KANK1: variants seen among roughly 807,000 people sequenced by gnomAD.
KANK1 encodes the protein KN motif and ankyrin repeat domains 1.
Under a neutral mutation model 106.2 loss-of-function variants are expected in KANK1, and 109 were observed. That is an observed-to-expected ratio of 1.03 (90% CI 0.88 to 1.20). The LOEUF is 1.20. KANK1 is among the 50% of genes most tolerant of loss of function. KANK1 has a pLI of 0.00. For missense variants in KANK1, 2,399 were observed against 1,710.7 expected, an observed-to-expected ratio of 1.40 and a Z score of -7.10; for synonymous variants, 873 against 652.2, an observed-to-expected ratio of 1.34 and a Z score of -5.16.
chr9:647,557 A>G (rs1230296940), intron 1 of KANK1, among the ~76,000 whole-genome samples: 1 of 150,098 alleles, frequency 6.7e-6, no homozygotes, highest in Non-Finnish European at 1.5e-5. Flanking sequence ...TTTAATCCCC[A>G]CTCTTTTTTA....
chr9:706,076 T>C (rs1824074853), intron 2 of KANK1, among the ~76,000 whole-genome samples: 2 of 152,128 alleles, frequency 1.3e-5, no homozygotes, highest in Non-Finnish European at 2.9e-5. Context: ...AAAAAAATAA[T>C]GACACCGGGT....
At chr9:541,457 G>A (rs569552191) in intron 1 of KANK1, among the ~76,000 whole-genome samples, 1 of 152,130 alleles carries the variant, frequency 6.6e-6, no homozygotes, top group African/African-American at 2.4e-5. Flanking sequence ...TGGCTCAGGG[G>A]TAGAGGATTT....
intron 8 of KANK1, among the ~76,000 whole-genome samples, chr9:738,885 G>C (rs1834549568): frequency 6.6e-6 from 1 of 152,220 alleles, no homozygotes; most frequent in South Asian, 2.1e-4. Flanking sequence ...CAGGGTCACA[G>C]CCTTGGTGCG....
chr9:733,156 C>G (rs1476632994), intron 6 of KANK1: 1 of 152,218 alleles, frequency 6.6e-6, no homozygotes, highest in Non-Finnish European at 1.5e-5. Context: ...TAAATAGTAG[C>G]TGAAAAACAC....
intron 1 of KANK1, among the ~76,000 whole-genome samples, chr9:583,641 C>G (rs1822723331): frequency 6.6e-6 from 1 of 151,128 alleles, no homozygotes; most frequent in Admixed American, 6.6e-5. Context: ...AATAAATATA[C>G]TGTTTTCTCT....
chr9:504,947 C>A (rs2058674340), intron 1 of KANK1, among the ~76,000 whole-genome samples, 193 bp downstream of exon 1: 1 of 150,528 alleles, frequency 6.6e-6, no homozygotes, highest in South Asian at 2.1e-4. Context: ...ACCCGGCGGC[C>A]TCGGGGCGGT....
At chr9:664,011 C>T (rs2885161) in intron 1 of KANK1, among the ~76,000 whole-genome samples, 127,464 of 151,970 alleles carry the variant, frequency 0.84, 53,587 homozygotes, top group East Asian at 0.97. Flanking sequence ...ATTGTAGTTC[C>T]CATAATCTCG....
At chr9:582,066 C>T (rs755676216) in intron 1 of KANK1, among the ~76,000 whole-genome samples, 1 of 152,154 alleles carries the variant, frequency 6.6e-6, no homozygotes, top group African/African-American at 2.4e-5. Context: ...ACTCCCCCTG[C>T]CCCAGAGTTG....
upstream of KANK1, among the ~76,000 whole-genome samples, chr9:503,892 T>G (rs116645015): frequency 0.018 from 2,790 of 152,236 alleles, 115 homozygotes; most frequent in South Asian, 0.13. Flanking sequence ...GAGGCAGGCG[T>G]TGGGTCTTCT....
At chr9:517,335 C>T (rs1346209278) in intron 1 of KANK1, among the ~76,000 whole-genome samples, 1 of 151,746 alleles carries the variant, frequency 6.6e-6, no homozygotes, top group East Asian at 1.9e-4. Flanking sequence ...ATTTCCTGGC[C>T]TCATGATCTG....
At chr9:673,200 CTTTTTTTTTTTTTT>C (rs542647158) in intron 1 of KANK1, among the ~76,000 whole-genome samples, 2 of 97,850 alleles carry the variant, frequency 2.0e-5, no homozygotes, top group Admixed American at 1.1e-4. Flanking sequence ...ACAGTGTCTT[CTTTTTTTTTTTTTT>C]TTTTTTTTTT....
chr9:743,722 T>C (rs1836358432), intron 10 of KANK1, among the ~76,000 whole-genome samples: 2 of 151,668 alleles, frequency 1.3e-5, no homozygotes, highest in Non-Finnish European at 2.9e-5. Flanking sequence ...ATTATCTAGG[T>C]GTGGTGGTAT....
At chr9:553,108 T>G (rs573809690) in intron 1 of KANK1, among the ~76,000 whole-genome samples, 2 of 152,272 alleles carry the variant, frequency 1.3e-5, no homozygotes, top group South Asian at 4.1e-4. Flanking sequence ...ATTGTGTTAC[T>G]GCACTCCAGC....
At chr9:564,445 G>C (rs993556011) in intron 1 of KANK1, among the ~76,000 whole-genome samples, 1 of 152,136 alleles carries the variant, frequency 6.6e-6, no homozygotes, top group Admixed American at 6.5e-5. Flanking sequence ...ATCTGAACAT[G>C]TGTCCTCAAC....
At chr9:629,213 T>C (rs1378075590) in intron 1 of KANK1, among the ~76,000 whole-genome samples, 1 of 152,138 alleles carries the variant, frequency 6.6e-6, no homozygotes, top group East Asian at 1.9e-4. Context: ...TCCCAGCCGC[T>C]GATGGGGTTG....
At chr9:675,181 A>G (rs1174919417) in intron 1 of KANK1, among the ~76,000 whole-genome samples, 2 of 152,206 alleles carry the variant, frequency 1.3e-5, no homozygotes, top group South Asian at 4.1e-4. Flanking sequence ...TTAGGATAGT[A>G]TACAGTTTTG....
At chr9:514,152 CTCCCTCCCTT>C in intron 1 of KANK1, among the ~76,000 whole-genome samples, 2 of 80,206 alleles carry the variant, frequency 2.5e-5, no homozygotes, top group African/African-American at 7.5e-5. Flanking sequence ...CCCTTCCTCT[CTCCCTCCCTT>C]CCTCTCTCCC....
rs547806777 is a variant in KANK1 at position 617,265 on chromosome 9, A to C, written c.-83-59625A>C. On this transcript the variant is annotated intron_variant, in intron 1 of 11. Coordinates refer to ENST00000382297, the MANE Select transcript of KANK1 (RefSeq NM_015158.5). ...TTAACAATCTGTATTCTACAACTTCACTCGTTGCCTTCCTTGTTTAACATT... is the reference window on the plus strand; with the variant it reads ...TTAACAATCTGTATTCTACAACTTCCCTCGTTGCCTTCCTTGTTTAACATT... Among the ~76,000 whole-genome samples, 5 of 151,994 alleles carry C rather than the reference A, an allele frequency of 3.3e-5. No individual in the cohort carries two copies. The South Asian group carries it at 1.0e-3, about 32-fold the overall frequency.
chr9:671,348 G>C (rs1845856890), intron 1 of KANK1, among the ~76,000 whole-genome samples: 1 of 151,894 alleles, frequency 6.6e-6, no homozygotes. Flanking sequence ...GTGCAGTCTA[G>C]AAAAGAGTGT....
Sources: gnomAD v4.1 joint callset for allele counts (sites outside exome capture counted in the v4.1 genomes callset) on GRCh38, gnomAD v4.1.1 for gene constraint, MANE v1.5 for transcripts, NCBI Gene and HGNC (gene_info 2026-07-23, HGNC 2026-07-21) for gene names.